Variants in AGAP1 observed in about 807,000 individuals in gnomAD.
AGAP1 encodes ArfGAP with GTPase domain, ankyrin repeat and PH domain 1, also known as arf-GAP with GTPase, ANK repeat and PH domain-containing protein 1.
A neutral mutation model predicts 105.3 loss-of-function variants in AGAP1; 29 were observed. That is an observed-to-expected ratio of 0.28 (90% CI 0.21 to 0.38). The LOEUF (loss-of-function observed/expected upper bound fraction) is 0.38, where lower values mean the gene tolerates loss of function less well. Ranked by LOEUF, AGAP1 falls within the 10% of genes least tolerant of loss-of-function variation. The pLI is 1.00. For synonymous variants in AGAP1, 509 were observed against 485.9 expected (o/e 1.05, Z -0.63); for missense variants, 998 against 1,165.1 (o/e 0.86, Z 2.09).
rs1024069993 is a variant in AGAP1, at chr2:235,612,817, G to A, written c.164-96362G>A. Among the ~76,000 whole-genome samples, 2 of 152,108 alleles carry A rather than the reference G, an allele frequency of 1.3e-5. No homozygotes were observed. The highest frequency in any genetic ancestry group is 2.9e-5 in the Non-Finnish European group (2 of 68,036). ...CTGCCAGCCGATGTTGTGATCTTGT[G>A]GAGGGAATGACCCCACGTCTCTGGA... On this transcript the variant is annotated intron_variant, in intron 1 of 17. Coordinates refer to ENST00000304032, the MANE Select transcript of AGAP1 (RefSeq NM_001037131.3). This position sits in a 1 kb window ranked among gnomAD's most constrained non-coding sequence, Gnocchi z 4.3.
chr2:235,818,300 G>A (rs141840166), intron 9 of AGAP1, among the ~76,000 whole-genome samples: 23 of 152,336 alleles, frequency 1.5e-4, no homozygotes, highest in Non-Finnish European at 3.4e-4. Context: ...GTTAAGGTAT[G>A]AGACCGATGT....
At position 235,807,842 on chromosome 2, in the gene AGAP1, T is replaced by C. The variant is rs369102096; in HGVS notation, c.1050+511T>C. On this transcript the variant is annotated intron_variant, in intron 9 of 17. Transcript: ENST00000304032. ...GTTTGTAATTTGCTAATGAAGGAATTGTAACTTTGATTAGGTTCGGTTTCA... is the reference window on the plus strand; with the variant it reads ...GTTTGTAATTTGCTAATGAAGGAATCGTAACTTTGATTAGGTTCGGTTTCA... Among the ~76,000 whole-genome samples the C allele has an allele frequency of 7.2e-4, 110 of 152,314 alleles. 2 individuals are homozygous for C. The South Asian group carries it at 0.022, about 31-fold the overall frequency.
intron 1 of AGAP1, among the ~76,000 whole-genome samples, chr2:235,686,556 T>TACACAC (rs10700794): frequency 0.039 from 3,932 of 101,620 alleles, 170 homozygotes; most frequent in African/African-American, 0.11. Context: ...GATATATATA[T>TACACAC]ACACACACAC....
chr2:235,581,435 T>G (rs1430790249), intron 1 of AGAP1, among the ~76,000 whole-genome samples: 1 of 148,458 alleles, frequency 6.7e-6, no homozygotes, highest in Non-Finnish European at 1.5e-5. Flanking sequence ...TGAAGAAGAT[T>G]GTTTATATTG....
chr2:235,719,572 G>T lies in AGAP1; in HGVS notation c.310+1928G>T, dbSNP rs1355315290. Among the ~76,000 whole-genome samples the T allele has an allele frequency of 6.6e-6, 1 of 152,208 alleles. No homozygotes were observed. Among genetic ancestry groups the T allele is most frequent in the Non-Finnish European group, 1.5e-5 (1 of 68,042 alleles). ...TACTGCACTGAAATTTCATAGTATTGTGTATGGTTTTTAAAAATACATTAT... is the reference window on the plus strand; with the variant it reads ...TACTGCACTGAAATTTCATAGTATTTTGTATGGTTTTTAAAAATACATTAT... On this transcript the variant is annotated intron_variant, in intron 3 of 17. Coordinates refer to ENST00000304032, the MANE Select transcript of AGAP1 (RefSeq NM_001037131.3). This position sits in a 1 kb window ranked among gnomAD's most constrained non-coding sequence, Gnocchi z 4.9.
chr2:235,698,430 T>G (rs1950100263), intron 1 of AGAP1, among the ~76,000 whole-genome samples: 1 of 152,084 alleles, frequency 6.6e-6, no homozygotes, highest in African/African-American at 2.4e-5. Context: ...TACTCTTACA[T>G]CTCATGAAAA....
chr2:235,497,831 C>T (rs569724925), intron 1 of AGAP1, among the ~76,000 whole-genome samples: 1 of 152,178 alleles, frequency 6.6e-6, no homozygotes, highest in Non-Finnish European at 1.5e-5. Context: ...CTCCTAACCT[C>T]GTGATCCACC....
chr2:236,072,130 T>G (rs973903353), intron 16 of AGAP1, among the ~76,000 whole-genome samples: 1 of 148,522 alleles, frequency 6.7e-6, no homozygotes, highest in Non-Finnish European at 1.5e-5. Flanking sequence ...TGTGGGTTTT[T>G]TTTTTTTTTT....
At chr2:235,726,650 G>T (rs779289909) in intron 3 of AGAP1, among the ~76,000 whole-genome samples, 4 of 152,118 alleles carry the variant, frequency 2.6e-5, no homozygotes, top group Non-Finnish European at 4.4e-5. Flanking sequence ...CCAGGTCCAG[G>T]AAACCAGATT....
At chr2:235,745,639 G>C (rs1952868986) in intron 5 of AGAP1, among the ~76,000 whole-genome samples, 1 of 152,208 alleles carries the variant, frequency 6.6e-6, no homozygotes, top group African/African-American at 2.4e-5. Flanking sequence ...GCTATGAATA[G>C]ACTGTTTTGC....
At position 235,919,448 on chromosome 2, in the gene AGAP1, C is replaced by T. The variant is rs577552617; in HGVS notation, c.1324+10542C>T. Among the ~76,000 whole-genome samples the T allele has an allele frequency of 7.0e-4, 106 of 152,308 alleles. No individual in the cohort carries two copies. The highest frequency in any genetic ancestry group is 1.2e-3 in the Non-Finnish European group (81 of 68,034). ...ACCCCGTAACATCCCAACCAGCAAA[C>T]CTGTAAAACCCGCCTCATGTTATCA... On this transcript the variant is annotated intron_variant, in intron 11 of 17. Transcript: ENST00000304032. This position sits in a 1 kb window ranked among gnomAD's most constrained non-coding sequence, Gnocchi z 4.1.
intron 1 of AGAP1, among the ~76,000 whole-genome samples, chr2:235,686,620 G>GATATATATATAT (rs1194270184): frequency 5.2e-5 from 3 of 57,244 alleles, no homozygotes; most frequent in South Asian, 3.5e-4. Context: ...TGGAGATATA[G>GATATATATATAT]ATATATATAT....
At chr2:235,814,951 T>C (rs1958366493) in intron 9 of AGAP1, among the ~76,000 whole-genome samples, 1 of 152,164 alleles carries the variant, frequency 6.6e-6, no homozygotes, top group East Asian at 1.9e-4. Context: ...ACGGAGTGGA[T>C]CTCCCTCCCC....
rs367851525 is a variant in AGAP1 at position 235,551,080 on chromosome 2, A to C, written c.163+56231A>C. On this transcript the variant is annotated intron_variant, in intron 1 of 17. Transcript: ENST00000304032. This position sits in a 1 kb window ranked among gnomAD's most constrained non-coding sequence, Gnocchi z 4.8. ...TGAGCCACCGCGCTCGGCCATAGAT[A>C]GTGTTTCTTAAGAGTGAGTTTGCTT... is the stretch of plus-strand genomic sequence containing the variant. Among the ~76,000 whole-genome samples the C allele has an allele frequency of 9.9e-5, 15 of 151,946 alleles. No homozygotes were observed. The highest frequency in any genetic ancestry group is 3.6e-4 in the African/African-American group (15 of 41,364).
intron 1 of AGAP1, among the ~76,000 whole-genome samples, chr2:235,688,478 G>A (rs542012025): frequency 5.3e-5 from 8 of 152,150 alleles, no homozygotes; most frequent in Admixed American, 5.2e-4. Flanking sequence ...ACAGACTTCC[G>A]AAACTTTCTG....
chr2:235,553,296 T>C lies in AGAP1; in HGVS notation c.163+58447T>C, dbSNP rs1319203535. ...TTGAGATCAAGAGATGACCAACGAC[T>C]GGACATCTGGGAGGCAGTGGGGGTC... On this transcript the variant is annotated intron_variant, in intron 1 of 17. Transcript: ENST00000304032. The surrounding 1 kb of genome is among the most constrained non-coding windows in gnomAD (Gnocchi z 4.5). 6.6e-6 allele frequency among the ~76,000 whole-genome samples: 1 copy of C among 151,582 alleles called. No individual in the cohort carries two copies. Among genetic ancestry groups the C allele is most frequent in the Non-Finnish European group, 1.5e-5 (1 of 67,904 alleles).
rs922816840 is a variant in AGAP1 at position 235,750,054 on chromosome 2, TTCC to T, written c.539-295_539-293del. Among the ~76,000 whole-genome samples, 11 of 152,200 alleles carry T rather than the reference TTCC, an allele frequency of 7.2e-5. No homozygotes were observed. The highest frequency in any genetic ancestry group is 2.2e-4 in the African/African-American group (9 of 41,450). ...CACATAGGGACTGTGTGTGTGGTTTTTCCTCCTTTCTAAAGTATGTATCCTCTA... is the reference window on the plus strand; with the variant it reads ...CACATAGGGACTGTGTGTGTGGTTTTTCCTTTCTAAAGTATGTATCCTCTA... On this transcript the variant is annotated intron_variant, in intron 5 of 17. Transcript: ENST00000304032. This position sits in a 1 kb window ranked among gnomAD's most constrained non-coding sequence, Gnocchi z 5.3.
intron 9 of AGAP1, among the ~76,000 whole-genome samples, chr2:235,817,970 A>T (rs1381303847): frequency 1.3e-5 from 2 of 152,224 alleles, no homozygotes; most frequent in African/African-American, 4.8e-5. Context: ...ACTATAGTTA[A>T]TGTTTGCAGA....
In AGAP1 at chr2:236,002,916, G is replaced by C. The variant is rs930095469; in HGVS notation, c.1646-33645G>C. Among the ~76,000 whole-genome samples, 4 of 152,074 alleles carry C rather than the reference G, an allele frequency of 2.6e-5. No homozygotes were observed. The highest frequency in any genetic ancestry group is 5.9e-5 in the Non-Finnish European group (4 of 68,008). On this transcript the variant is annotated intron_variant, in intron 13 of 17. Coordinates refer to ENST00000304032, the MANE Select transcript of AGAP1 (RefSeq NM_001037131.3). This position sits in a 1 kb window ranked among gnomAD's most constrained non-coding sequence, Gnocchi z 4.3. ...GTGTGTGAACAGGAGGGCCGGGGTC[G>C]CTGGGTTCCAGGCGCAGCCATGAGA...
Sources: gnomAD v4.1 joint callset for allele counts (sites outside exome capture counted in the v4.1 genomes callset) on GRCh38, gnomAD v4.1.1 for gene constraint, Gnocchi (gnomAD v3.1) non-coding constraint, MANE v1.5 for transcripts, NCBI Gene and HGNC (gene_info 2026-07-23, HGNC 2026-07-21) for gene names.